Variants in SHLD1 observed in about 807,000 individuals in gnomAD.
SHLD1 encodes the protein shieldin complex subunit 1, also known as RINN1-REV7-interacting novel NHEJ regulator 3.
SHLD1 carries 3 observed loss-of-function variants against 5.5 expected under a neutral mutation model. The observed-to-expected ratio is 0.54, with a 90% confidence interval of 0.25 to 1.40. The LOEUF (loss-of-function observed/expected upper bound fraction) is 1.40. Among genes scored for constraint, SHLD1 ranks in the 40% most tolerant of loss-of-function variants. The pLI is 0.15. For synonymous variants in SHLD1, 92 were observed against 94.3 expected (o/e 0.98, Z 0.14); for missense variants, 210 against 244.4 (o/e 0.86, Z 0.94).
Position 5,806,154 on chromosome 20 carries a change from C to G in SHLD1, c.178+33111C>G, listed in dbSNP as rs1461074809. Reference sequence around the variant, plus strand: ...TGTTGGGATAATAGGTGTGAGCTACCACATCTGGCTGCTTTATAATTTTTT... The same window carrying G: ...TGTTGGGATAATAGGTGTGAGCTACGACATCTGGCTGCTTTATAATTTTTT... On this transcript the variant is annotated intron_variant, in intron 2 of 2. Coordinates refer to ENST00000303142, the MANE Select transcript of SHLD1 (RefSeq NM_152504.4). This position sits in a 1 kb window ranked among gnomAD's most constrained non-coding sequence, Gnocchi z 7.6. 1.3e-5 allele frequency among the ~76,000 whole-genome samples: 2 copies of G among 152,118 alleles called. No individual in the cohort carries two copies. The highest frequency in any genetic ancestry group is 2.4e-5 in the African/African-American group (1 of 41,412).
At chr20:5,838,515 C>T (rs1446731610) in intron 2 of SHLD1, among the ~76,000 whole-genome samples, 2 of 152,182 alleles carry the variant, frequency 1.3e-5, no homozygotes, top group African/African-American at 4.8e-5. Context: ...AATCCCAACA[C>T]TTTGGGAGGC....
chr20:5,832,386 A>G (rs1372456011), intron 2 of SHLD1, among the ~76,000 whole-genome samples: 2 of 152,238 alleles, frequency 1.3e-5, no homozygotes, highest in African/African-American at 4.8e-5. Flanking sequence ...TTGGATTAAG[A>G]TCGGGGCTTT....
At chr20:5,787,350 C>T (rs1264441813) in intron 2 of SHLD1, among the ~76,000 whole-genome samples, 1 of 152,228 alleles carries the variant, frequency 6.6e-6, no homozygotes, top group Non-Finnish European at 1.5e-5. Context: ...TCATCTGGTG[C>T]CAGAACTCTT....
At chr20:5,801,429 G>A (rs1020332015) in intron 2 of SHLD1, among the ~76,000 whole-genome samples, 12 of 152,148 alleles carry the variant, frequency 7.9e-5, no homozygotes, top group Admixed American at 4.6e-4. Flanking sequence ...AGAGAACTCC[G>A]AAGGGCTTCT....
chr20:5,759,018 G>C (rs914766590), intron 1 of SHLD1, among the ~76,000 whole-genome samples: 3 of 143,120 alleles, frequency 2.1e-5, no homozygotes, highest in Non-Finnish European at 4.5e-5. Flanking sequence ...GCAATGGCGC[G>C]ATCTCTGCTC....
At chr20:5,802,826 T>C (rs1169935276) in intron 2 of SHLD1, among the ~76,000 whole-genome samples, 1 of 152,002 alleles carries the variant, frequency 6.6e-6, no homozygotes, top group Non-Finnish European at 1.5e-5. Flanking sequence ...AAGCAATTCA[T>C]CCACCTTGGT....
At chr20:5,823,153 T>C (rs2087627356) in intron 2 of SHLD1, among the ~76,000 whole-genome samples, 1 of 152,026 alleles carries the variant, frequency 6.6e-6, no homozygotes, top group African/African-American at 2.4e-5. Context: ...CGGATACCTG[T>C]TCTTCCCTTG....
In SHLD1 at chr20:5,775,923, A is replaced by ATTTTTTTTTTTTTTTTTT. The variant is rs533313849; in HGVS notation, c.178+2885_178+2902dup. Reference sequence around the variant, plus strand: ...TGCAGTACTGCCTGGTCAGCTCAGGATTTTTTTTTTTTTTTTTTTTTTGAG... The same window carrying ATTTTTTTTTTTTTTTTTT: ...TGCAGTACTGCCTGGTCAGCTCAGGATTTTTTTTTTTTTTTTTTTTTTTTTTTTTTTTTTTTTTTTGAG... On this transcript the variant is annotated intron_variant, in intron 2 of 2. Transcript: ENST00000303142. Among the ~76,000 whole-genome samples, 320 of 77,662 alleles carry ATTTTTTTTTTTTTTTTTT rather than the reference A, an allele frequency of 4.1e-3. 85 individuals are homozygous for ATTTTTTTTTTTTTTTTTT. The highest frequency in any genetic ancestry group is 9.5e-3 in the African/African-American group (160 of 16,790). The allele number at this position is 77,662 out of a possible 152,430, so 50.9% of individuals were successfully genotyped here.
intron 2 of SHLD1, among the ~76,000 whole-genome samples, chr20:5,829,280 C>T (rs2122434675): frequency 6.6e-6 from 1 of 152,314 alleles, no homozygotes; most frequent in South Asian, 2.1e-4. Context: ...AAAGTAGCAA[C>T]ATAGCCTACA....
At chr20:5,825,076 T>A (rs2087650917) in intron 2 of SHLD1, among the ~76,000 whole-genome samples, 1 of 152,254 alleles carries the variant, frequency 6.6e-6, no homozygotes, top group Non-Finnish European at 1.5e-5. Context: ...TTGGTTTCTA[T>A]GACTATGAAG....
intron 1 of SHLD1, among the ~76,000 whole-genome samples, chr20:5,763,961 A>AAC (rs1273162290): frequency 6.8e-6 from 1 of 146,000 alleles, no homozygotes; most frequent in African/African-American, 2.5e-5. Flanking sequence ...AAAAAAAAAA[A>AAC]AAAAAAAATA....
intron 2 of SHLD1, among the ~76,000 whole-genome samples, chr20:5,830,428 C>T (rs1483967461): frequency 6.6e-6 from 1 of 152,060 alleles, no homozygotes; most frequent in Non-Finnish European, 1.5e-5. Flanking sequence ...GCCTGTACTC[C>T]CAGCACTTTG....
intron 2 of SHLD1, among the ~76,000 whole-genome samples, chr20:5,822,600 G>A (rs760877197): frequency 6.6e-6 from 1 of 151,732 alleles, no homozygotes; most frequent in Non-Finnish European, 1.5e-5. Flanking sequence ...GTTCCTTATC[G>A]TACCTGAGAA....
At chr20:5,808,173 G>A (rs574596308) in intron 2 of SHLD1, among the ~76,000 whole-genome samples, 8 of 152,110 alleles carry the variant, frequency 5.3e-5, no homozygotes, top group Middle Eastern at 3.4e-3. Flanking sequence ...CCAGCCACTC[G>A]AGAGGCTGAG....
At chr20:5,845,163 C>A (rs2070733119) in intron 2 of SHLD1, among the ~76,000 whole-genome samples, 1 of 152,118 alleles carries the variant, frequency 6.6e-6, no homozygotes, top group African/African-American at 2.4e-5. Context: ...AGAACAAGTA[C>A]CTTAATACTC....
intron 1 of SHLD1, among the ~76,000 whole-genome samples, chr20:5,764,178 T>TATATA: frequency 1.3e-5 from 1 of 77,414 alleles, no homozygotes; most frequent in African/African-American, 4.9e-5. Context: ...ATATATATTT[T>TATATA]TATATATATA....
intron 2 of SHLD1, among the ~76,000 whole-genome samples, chr20:5,840,448 A>T (rs1485793952): frequency 6.6e-6 from 1 of 152,126 alleles, no homozygotes; most frequent in East Asian, 1.9e-4. Flanking sequence ...ATTGTGTGGG[A>T]TGAGAGATGG....
intron 2 of SHLD1, among the ~76,000 whole-genome samples, chr20:5,821,531 C>CA (rs2087606305): frequency 6.6e-6 from 1 of 151,638 alleles, no homozygotes; most frequent in South Asian, 2.1e-4. Context: ...CAAAACAAAA[C>CA]AAAAAAACTT....
chr20:5,765,759 C>A (rs73069150), intron 1 of SHLD1, among the ~76,000 whole-genome samples: 1 of 143,932 alleles, frequency 6.9e-6, no homozygotes, highest in Non-Finnish European at 1.5e-5. Context: ...GTATTTTATA[C>A]GCACAAATCC....
Sources: allele counts gnomAD v4.1 joint callset (sites outside exome capture counted in the v4.1 genomes callset), GRCh38; gene constraint gnomAD v4.1.1; non-coding constraint Gnocchi (gnomAD v3.1); transcripts MANE v1.5; gene names NCBI Gene and HGNC (gene_info 2026-07-23, HGNC 2026-07-21).